OPCML: variants seen among roughly 807,000 people sequenced by gnomAD.
The protein encoded by OPCML is opioid-binding protein/cell adhesion molecule.
In OPCML, 13 loss-of-function variants were observed where a neutral mutation model predicts 37.8. That is an observed-to-expected ratio of 0.34 (90% CI 0.22 to 0.55). The LOEUF (loss-of-function observed/expected upper bound fraction) is 0.55. Among genes scored for constraint, OPCML ranks in the 20% least tolerant of loss-of-function variants. The probability of loss-of-function intolerance (pLI) is 0.91; values close to 1 mark genes in which losing one functional copy is unlikely to be tolerated. For missense variants in OPCML, 341 were observed against 435.6 expected (o/e 0.78, Z 1.93); for synonymous variants, 176 against 168.8 (o/e 1.04, Z -0.33).
At position 132,635,966 on chromosome 11, in the gene OPCML, TCC is replaced by T. The variant is rs556104770; in HGVS notation, c.379+21119_379+21120del. Among the ~76,000 whole-genome samples the T allele has an allele frequency of 6.8e-3, 1,039 of 151,962 alleles. 14 individuals carry two copies. Among genetic ancestry groups the T allele is most frequent in the African/African-American group, 0.024 (988 of 41,432 alleles). ...TTAGATAGCTACATGTTGAAAATAC[TCC>T]CCCCCGGATACAAGATGTCCATTGT... On this transcript the variant is annotated intron_variant, in intron 3 of 7. Coordinates refer to ENST00000524381, the MANE Select transcript of OPCML (RefSeq NM_001012393.5).
At chr11:133,198,527 C>G (rs1282747281) in intron 1 of OPCML, among the ~76,000 whole-genome samples, 1 of 152,212 alleles carries the variant, frequency 6.6e-6, no homozygotes, top group Non-Finnish European at 1.5e-5. Flanking sequence ...ATGAGAAGAA[C>G]TTCACGATTG....
intron 1 of OPCML, among the ~76,000 whole-genome samples, chr11:133,250,537 GA>G: frequency 2.9e-5 from 2 of 68,254 alleles, no homozygotes; most frequent in African/African-American, 4.7e-5. Context: ...GGGAGGGAGG[GA>G]AGGAAGGAAG....
At chr11:132,501,276 C>A (rs1453863659) in intron 4 of OPCML, among the ~76,000 whole-genome samples, 1 of 152,082 alleles carries the variant, frequency 6.6e-6, no homozygotes, top group Admixed American at 6.5e-5. Context: ...CCATAAAAAC[C>A]CTCGAAGAAA....
At position 133,046,523 on chromosome 11, in the gene OPCML, A is replaced by G. The variant is rs527923483; in HGVS notation, c.62-103513T>C. 5.3e-5 allele frequency among the ~76,000 whole-genome samples: 8 copies of G among 152,262 alleles called. 1 individual carries two copies. The South Asian group carries it at 1.7e-3, about 32-fold the overall frequency. On this transcript the variant is annotated intron_variant, in intron 1 of 7. Coordinates refer to ENST00000524381, the MANE Select transcript of OPCML (RefSeq NM_001012393.5). ...TAGACTTCAATGCCAGGAGCTTTTC[A>G]TCTAACATCAGACAGCATCATAGGC...
chr11:132,959,233 G>A (rs11606002), intron 1 of OPCML, among the ~76,000 whole-genome samples: 6,770 of 152,292 alleles, frequency 0.044, 197 homozygotes, highest in Non-Finnish European at 0.067. Flanking sequence ...AGATGTGGTG[G>A]AAATAGCAAG....
chr11:132,514,099 T>G (rs1286820048), intron 4 of OPCML, among the ~76,000 whole-genome samples: 1 of 152,192 alleles, frequency 6.6e-6, no homozygotes, highest in Non-Finnish European at 1.5e-5. Flanking sequence ...TATATGCTAT[T>G]TTTAAGTACT....
rs568947701 is a variant in OPCML, at chr11:133,006,173, T to C, written c.62-63163A>G. 3.2e-5 allele frequency: 31 copies of C among 965,296 alleles called. No homozygotes were observed. The African/African-American group carries it at 5.1e-4, about 16-fold the overall frequency. The allele number at this position is 965,296 out of a possible 1,614,324, so 59.8% of individuals were successfully genotyped here. ...GCTCCAACCTACTGAGGTCGAGCCT[T>C]GGGAAGTTCGCGCCATCTGTAGTAG... is the stretch of plus-strand genomic sequence containing the variant. On this transcript the variant is annotated intron_variant, in intron 1 of 7. Coordinates refer to ENST00000524381, the MANE Select transcript of OPCML (RefSeq NM_001012393.5).
intron 2 of OPCML, among the ~76,000 whole-genome samples, chr11:132,819,971 AT>A (rs1397727504): frequency 1.3e-5 from 2 of 152,056 alleles, no homozygotes; most frequent in African/African-American, 4.8e-5. Flanking sequence ...GAATGCTTCT[AT>A]TCCTCATCTC....
Position 132,657,104 on chromosome 11 carries a change from A to AC in OPCML, c.361dup (p.Val121GlyfsTer22), listed in dbSNP as rs1335786866. On this transcript the variant is annotated frameshift_variant, in exon 3 of 8. Coordinates refer to ENST00000524381, the MANE Select transcript of OPCML (RefSeq NM_001012393.5). LOFTEE classifies it high-confidence loss of function. ...GGACTTACCTTGCACTATTAGGTGA[A>AC]CCCGGGACGTTTTGGGATGATTGTC... is the stretch of plus-strand genomic sequence containing the variant. 1 of 1,613,652 alleles carries AC rather than the reference A, an allele frequency of 6.2e-7. No homozygotes were observed. Among genetic ancestry groups the AC allele is most frequent in the African/African-American group, 1.3e-5 (1 of 75,036 alleles).
rs138361554 is a variant in OPCML, at chr11:133,443,128, A to G, written c.61+89136T>C. Among the ~76,000 whole-genome samples the G allele has an allele frequency of 2.6e-5, 4 of 152,322 alleles. No individual in the cohort carries two copies. In the East Asian group the frequency reaches 7.7e-4, roughly 29 times the overall value. ...AAACAAGAACATCAGACAGCACATT[A>G]TTGTAATAGTTGCATACCATCACAG... On this transcript the variant is annotated intron_variant, in intron 1 of 7. Coordinates refer to ENST00000524381, the MANE Select transcript of OPCML (RefSeq NM_001012393.5).
chr11:132,862,506 A>C (rs1406183456), intron 2 of OPCML, among the ~76,000 whole-genome samples: 2 of 150,772 alleles, frequency 1.3e-5, no homozygotes, highest in Non-Finnish European at 3.0e-5. Context: ...AAACTCTGAG[A>C]GTACAAGAGG....
Position 132,436,891 on chromosome 11 carries a change from C to A in OPCML, c.644-112G>T, listed in dbSNP as rs184299011. On this transcript the variant is annotated intron_variant, in intron 5 of 7. Coordinates refer to ENST00000524381, the MANE Select transcript of OPCML (RefSeq NM_001012393.5). Reference sequence around the variant, plus strand: ...AGCCATTTGCTATGTAAATGGATTTCTTGTGACAACCCTCTTTCCCAGTAA... The same window carrying A: ...AGCCATTTGCTATGTAAATGGATTTATTGTGACAACCCTCTTTCCCAGTAA... The A allele has an allele frequency of 1.4e-5, 21 of 1,482,106 alleles. No homozygotes were observed. The African/African-American group carries it at 2.9e-4, about 21-fold the overall frequency. The allele number at this position is 1,482,106 out of a possible 1,614,324, so 91.8% of individuals were successfully genotyped here.
intron 2 of OPCML, among the ~76,000 whole-genome samples, chr11:132,799,304 T>C (rs915242724): frequency 1.3e-5 from 2 of 152,198 alleles, no homozygotes; most frequent in Non-Finnish European, 2.9e-5. Context: ...GAGCTCTTGC[T>C]CCTTCACCTT....
At chr11:132,612,697 A>G (rs916146880) in intron 3 of OPCML, among the ~76,000 whole-genome samples, 15 of 152,186 alleles carry the variant, frequency 9.9e-5, no homozygotes, top group African/African-American at 3.4e-4. Flanking sequence ...GAAACAAATG[A>G]TCCCCTATAG....
At chr11:133,286,974 A>G (rs1036751059) in intron 1 of OPCML, among the ~76,000 whole-genome samples, 2 of 152,188 alleles carry the variant, frequency 1.3e-5, no homozygotes, top group African/African-American at 4.8e-5. Context: ...GTCATCTTTT[A>G]TCTTCTGCGC....
At chr11:132,800,855 GT>G (rs1205457397) in intron 2 of OPCML, among the ~76,000 whole-genome samples, 13 of 152,138 alleles carry the variant, frequency 8.5e-5, no homozygotes, top group African/African-American at 2.4e-4. Flanking sequence ...TTTTCCTGTA[GT>G]TTTTTACATG....
chr11:133,026,268 A>T (rs1174067992), intron 1 of OPCML, among the ~76,000 whole-genome samples: 1 of 152,202 alleles, frequency 6.6e-6, no homozygotes, highest in Admixed American at 6.5e-5. Flanking sequence ...AAATGCATAC[A>T]TGTAAAAAAT....
intron 1 of OPCML, among the ~76,000 whole-genome samples, chr11:132,949,358 G>A (rs1296588412): frequency 6.6e-6 from 1 of 152,234 alleles, no homozygotes; most frequent in Non-Finnish European, 1.5e-5. Flanking sequence ...CATCCTGTAA[G>A]AAGCAGCTGA....
intron 3 of OPCML, among the ~76,000 whole-genome samples, chr11:132,656,399 G>A (rs562454191): frequency 1.3e-5 from 2 of 152,266 alleles, no homozygotes; most frequent in Non-Finnish European, 2.9e-5. Flanking sequence ...TAAAATGCAC[G>A]TGACACAATT....
Sources: gnomAD v4.1 joint callset for allele counts (sites outside exome capture counted in the v4.1 genomes callset) on GRCh38, gnomAD v4.1.1 for gene constraint, MANE v1.5 for transcripts, NCBI Gene and HGNC (gene_info 2026-07-23, HGNC 2026-07-21) for gene names.